Variants in PCDHGA3 observed in about 807,000 individuals in gnomAD.
The protein encoded by PCDHGA3 is protocadherin gamma-A3.
PCDHGA3 carries 40 observed loss-of-function variants against 58.5 expected under a neutral mutation model. The ratio of observed to expected loss-of-function variants is 0.68; its 90% CI spans 0.53 to 0.89. The LOEUF (loss-of-function observed/expected upper bound fraction) is 0.89. PCDHGA3 is among the 40% of genes least tolerant of loss of function. The pLI is 0.00. For synonymous variants in PCDHGA3, 530 were observed against 525.7 expected (o/e 1.01, Z -0.11); for missense variants, 1,223 against 1,195.9 (o/e 1.02, Z -0.33).
intron 1 of PCDHGA3, among the ~76,000 whole-genome samples, chr5:141,459,014 T>C (rs1429233660): frequency 6.6e-6 from 1 of 152,240 alleles, no homozygotes; most frequent in East Asian, 1.9e-4. Context: ...ATTACAGGCA[T>C]GAGCCACCAC....
At chr5:141,356,826 CA>C in intron 1 of PCDHGA3, 1 of 1,614,136 alleles carries the variant, frequency 6.2e-7, no homozygotes, top group Non-Finnish European at 8.5e-7. Flanking sequence ...ACCCTCCACT[CA>C]GCAGCAATGT....
Position 141,489,111 on chromosome 5 carries a change from C to T in PCDHGA3, c.2425-5696C>T. The T allele has an allele frequency of 1.9e-6, 1 of 518,040 alleles. No individual in the cohort carries two copies. Among genetic ancestry groups the T allele is most frequent in the African/African-American group, 1.9e-5 (1 of 51,336 alleles). The allele number at this position is 518,040 out of a possible 1,614,324, so 32.1% of individuals were successfully genotyped here. ...GTGACTAAGAACTGCTGCAAGCAGG[C>T]AAACCTCCGAGCAGTTTTTAAGAGG... On this transcript the variant is annotated intron_variant, in intron 1 of 3. Transcript: ENST00000253812. This position sits in a 1 kb window ranked among gnomAD's most constrained non-coding sequence, Gnocchi z 4.5.
chr5:141,483,606 C>T (rs1460635551), intron 1 of PCDHGA3, among the ~76,000 whole-genome samples: 1 of 151,984 alleles, frequency 6.6e-6, no homozygotes, highest in Non-Finnish European at 1.5e-5. Flanking sequence ...CTGGTTTACA[C>T]CTCCATCATT....
chr5:141,486,637 G>A lies in PCDHGA3; in HGVS notation c.2425-8170G>A, dbSNP rs761072169. On this transcript the variant is annotated intron_variant, in intron 1 of 3. Transcript: ENST00000253812. The surrounding 1 kb of genome is among the most constrained non-coding windows in gnomAD (Gnocchi z 5.0). ...CTGACCCAGACTCTGGCTTGAATGC[G>A]CTTATCTCCTACTCACTCCTGGAGC... 3.1e-5 allele frequency: 50 copies of A among 1,613,520 alleles called. No individual in the cohort carries two copies. The highest frequency in any genetic ancestry group is 5.0e-5 in the Admixed American group (3 of 60,000).
intron 3 of PCDHGA3, among the ~76,000 whole-genome samples, chr5:141,505,926 G>A (rs114056147): frequency 0.012 from 1,893 of 152,254 alleles, 12 homozygotes; most frequent in Middle Eastern, 0.034. Context: ...TGGGCCTGGC[G>A]CTTGGAAGCC....
chr5:141,400,209 G>T (rs371270054), intron 1 of PCDHGA3: 8 of 1,613,934 alleles, frequency 5.0e-6, no homozygotes, highest in African/African-American at 2.7e-5. Flanking sequence ...CCTTGGCCTT[G>T]ATCTCAGTGC....
chr5:141,419,698 G>A, intron 1 of PCDHGA3: 1 of 1,612,978 alleles, frequency 6.2e-7, no homozygotes, highest in Non-Finnish European at 8.5e-7. Context: ...AGGCCAGTGA[G>A]CCCGGGCTCT....
intron 1 of PCDHGA3, among the ~76,000 whole-genome samples, chr5:141,492,108 C>T (rs1331001233): frequency 2.6e-5 from 4 of 152,232 alleles, no homozygotes; most frequent in African/African-American, 9.6e-5. Flanking sequence ...TAGATTTCCT[C>T]TTCGATTTCT....
chr5:141,387,788 A>G, intron 1 of PCDHGA3: 2 of 1,487,916 alleles, frequency 1.3e-6, no homozygotes, highest in Non-Finnish European at 1.8e-6. Flanking sequence ...TGGAACTGCA[A>G]CTAAAGTCCG....
At position 141,487,934 on chromosome 5, in the gene PCDHGA3, C is replaced by G; in HGVS notation, c.2425-6873C>G. 4.9e-6 allele frequency: 3 copies of G among 607,674 alleles called. No individual in the cohort carries two copies. Among genetic ancestry groups the G allele is most frequent in the Non-Finnish European group, 5.8e-6 (2 of 347,576 alleles). The allele number at this position is 607,674 out of a possible 1,614,324, so 37.6% of individuals were successfully genotyped here. A position where few individuals can be genotyped will look rare whatever the true frequency, so the allele number is the denominator to read the frequency against. On this transcript the variant is annotated intron_variant, in intron 1 of 3. Transcript: ENST00000253812. The surrounding 1 kb of genome is among the most constrained non-coding windows in gnomAD (Gnocchi z 5.0). ...ACAGGAGGCTACAGTGCACAGGGTA[C>G]AGTGCACCAGGCAGTCACTTGGACA... is the stretch of plus-strand genomic sequence containing the variant.
chr5:141,359,948 A>C, intron 1 of PCDHGA3: 1 of 539,450 alleles, frequency 1.9e-6, no homozygotes, highest in Non-Finnish European at 3.0e-6. Context: ...GCTGTTGGTC[A>C]AAAGAACGAA....
intron 1 of PCDHGA3, chr5:141,394,839 G>A (rs1190397731): frequency 6.2e-7 from 1 of 1,613,834 alleles, no homozygotes; most frequent in Non-Finnish European, 8.5e-7. Context: ...GACCGAGTTG[G>A]GCAGTCTGAA....
intron 1 of PCDHGA3, chr5:141,408,622 A>C (rs1481022505): frequency 6.2e-7 from 1 of 1,614,070 alleles, no homozygotes; most frequent in Admixed American, 1.7e-5. Flanking sequence ...AAATACATTT[A>C]GAAATTTTCG....
At chr5:141,369,703 A>G (rs757750981) in intron 1 of PCDHGA3, among the ~76,000 whole-genome samples, 12 of 152,254 alleles carry the variant, frequency 7.9e-5, no homozygotes, top group Admixed American at 1.3e-4. Flanking sequence ...AAAAGCTATG[A>G]CATTATAACT....
At chr5:141,411,881 G>T (rs1299555823) in intron 1 of PCDHGA3, 2 of 152,114 alleles carry the variant, frequency 1.3e-5, no homozygotes, top group Middle Eastern at 3.2e-3. Flanking sequence ...ACATTTCTAA[G>T]AAATAAATGA....
intron 1 of PCDHGA3, chr5:141,475,917 C>T (rs1012431912): frequency 1.7e-6 from 1 of 599,962 alleles, no homozygotes. Context: ...AATGAAGACG[C>T]TGGAGATCGG....
At chr5:141,393,980 T>C (rs745601350) in intron 1 of PCDHGA3, 132 of 1,613,686 alleles carry the variant, frequency 8.2e-5, no homozygotes, top group Admixed American at 6.7e-5. Context: ...CACGTGATAA[T>C]TTACCTTTTA....
chr5:141,356,803 A>G (rs1201687366), intron 1 of PCDHGA3: 2 of 1,614,078 alleles, frequency 1.2e-6, no homozygotes, highest in Admixed American at 3.3e-5. Flanking sequence ...GATGACAGCC[A>G]GTGACAGTGG....
intron 1 of PCDHGA3, chr5:141,409,675 AG>A (rs2095301185): frequency 1.9e-6 from 3 of 1,613,304 alleles, no homozygotes; most frequent in African/African-American, 2.7e-5. Flanking sequence ...CCTACTCTAT[AG>A]TGGCGAGTGA....
Sources: gnomAD v4.1 joint callset for allele counts (sites outside exome capture counted in the v4.1 genomes callset) on GRCh38, gnomAD v4.1.1 for gene constraint, Gnocchi (gnomAD v3.1) non-coding constraint, MANE v1.5 for transcripts, NCBI Gene and HGNC (gene_info 2026-07-23, HGNC 2026-07-21) for gene names.